MTUS2: variants seen among roughly 807,000 people sequenced by gnomAD.
MTUS2 encodes the protein microtubule associated scaffold protein 2.
MTUS2 carries 40 observed loss-of-function variants against 114.1 expected under a neutral mutation model. The observed-to-expected ratio is 0.35, with a 90% CI of 0.27 to 0.46. MTUS2 has a LOEUF of 0.46. MTUS2 is among the 20% of genes least tolerant of loss of function. The pLI, the probability that MTUS2 is intolerant of heterozygous loss-of-function variation, is 1.00. For synonymous variants in MTUS2, 688 were observed against 672.0 expected (o/e 1.02, Z -0.37); for missense variants, 1,679 against 1,705.4 (o/e 0.98, Z 0.27).
intron 6 of MTUS2, among the ~76,000 whole-genome samples, chr13:29,315,300 T>C (rs1312299661): frequency 1.3e-5 from 2 of 152,166 alleles, no homozygotes; most frequent in Non-Finnish European, 2.9e-5. Context: ...TATTTTCAAG[T>C]AGCTAGAAGA....
In MTUS2 at chr13:29,246,405, C is replaced by T. The variant is rs546081946; in HGVS notation, c.2645-35299C>T. Among the ~76,000 whole-genome samples, 147 of 152,312 alleles carry T rather than the reference C, an allele frequency of 9.7e-4. 1 individual carries two copies. The highest frequency in any genetic ancestry group is 3.3e-3 in the African/African-American group (137 of 41,564). On this transcript the variant is annotated intron_variant, in intron 5 of 15. Transcript: ENST00000612955. The stretch of plus-strand genomic sequence containing the variant: ...AAGAGGCCCATGGAGCTCCTCTCCC[C>T]GGATCTCCTGTTGCTGCTCAACACA...
chr13:29,033,271 C>T (rs1053644550), intron 3 of MTUS2, among the ~76,000 whole-genome samples: 9 of 152,160 alleles, frequency 5.9e-5, no homozygotes, highest in Admixed American at 1.3e-4. Flanking sequence ...CTCGAGCAGA[C>T]GACCAGAGGA....
chr13:29,067,850 C>G (rs1888732347), intron 4 of MTUS2, among the ~76,000 whole-genome samples: 1 of 152,058 alleles, frequency 6.6e-6, no homozygotes. Context: ...AGGGTGGATC[C>G]TGGAATGTAA....
At chr13:28,931,014 C>G (rs1034410822) in intron 2 of MTUS2, among the ~76,000 whole-genome samples, 3 of 152,194 alleles carry the variant, frequency 2.0e-5, no homozygotes, top group African/African-American at 7.2e-5. Context: ...ATGGTTTTAA[C>G]TAACCATTCC....
chr13:29,351,776 TTA>T (rs1372872750), intron 7 of MTUS2, among the ~76,000 whole-genome samples: 8 of 56,442 alleles, frequency 1.4e-4, no homozygotes, highest in Admixed American at 5.3e-4. Context: ...CTAATTTTGT[TTA>T]TTTTTTTTTT....
intron 4 of MTUS2, among the ~76,000 whole-genome samples, chr13:29,044,307 C>T (rs1471384963): frequency 6.6e-6 from 1 of 151,838 alleles, no homozygotes; most frequent in African/African-American, 2.4e-5. Flanking sequence ...ATCTACTGTT[C>T]TTATCTTTGG....
chr13:28,842,606 A>G (rs1179759952), intron 2 of MTUS2, among the ~76,000 whole-genome samples: 4 of 152,186 alleles, frequency 2.6e-5, no homozygotes, highest in Non-Finnish European at 5.9e-5. Flanking sequence ...GAAATAATTT[A>G]TCGCTGTATG....
At chr13:29,130,033 T>C (rs955758320) in intron 5 of MTUS2, among the ~76,000 whole-genome samples, 1 of 152,102 alleles carries the variant, frequency 6.6e-6, no homozygotes, top group Non-Finnish European at 1.5e-5. Context: ...GAGTGCTTTA[T>C]AGCCAAGAGC....
intron 2 of MTUS2, among the ~76,000 whole-genome samples, chr13:28,857,391 A>C (rs1341663425): frequency 6.6e-6 from 1 of 152,200 alleles, no homozygotes; most frequent in Non-Finnish European, 1.5e-5. Flanking sequence ...GGAAGATATC[A>C]TGTGGGAAAT....
At chr13:28,975,889 C>G (rs959932542) in intron 2 of MTUS2, among the ~76,000 whole-genome samples, 1 of 152,098 alleles carries the variant, frequency 6.6e-6, no homozygotes, top group East Asian at 1.9e-4. Context: ...GATTCCTTCC[C>G]TCTTGGAGCG....
chr13:29,449,679 A>G (rs1878549813), intron 9 of MTUS2, among the ~76,000 whole-genome samples: 1 of 151,770 alleles, frequency 6.6e-6, no homozygotes, highest in Admixed American at 6.6e-5. Context: ...TTTTTTTCCA[A>G]TTTTTAATTT....
intron 8 of MTUS2, among the ~76,000 whole-genome samples, chr13:29,364,405 T>G (rs1870535003): frequency 6.6e-6 from 1 of 152,168 alleles, no homozygotes; most frequent in South Asian, 2.1e-4. Context: ...AATTAGTTAA[T>G]GACTTCTGAA....
At position 29,268,045 on chromosome 13, in the gene MTUS2, C is replaced by T. The variant is rs140691261; in HGVS notation, c.2645-13659C>T. ...TAGGTTCTGGGGTACATGTGCAGAA[C>T]GTGCAGGTTTGTTACATAAGTATAC... On this transcript the variant is annotated intron_variant, in intron 5 of 15. Coordinates refer to ENST00000612955, the MANE Select transcript of MTUS2 (RefSeq NM_001033602.4). 5.2e-3 allele frequency among the ~76,000 whole-genome samples: 798 copies of T among 152,092 alleles called. 8 individuals carry two copies. The highest frequency in any genetic ancestry group is 0.013 in the African/African-American group (522 of 41,488).
chr13:29,327,682 G>T (rs1419609393), intron 7 of MTUS2, among the ~76,000 whole-genome samples: 2 of 100,190 alleles, frequency 2.0e-5, no homozygotes, highest in African/African-American at 6.9e-5. Context: ...CCAAATCTTT[G>T]TACAAATGTA....
intron 14 of MTUS2, 29 bp from the exon 15 acceptor site, chr13:29,501,068 G>A: frequency 6.3e-7 from 1 of 1,597,908 alleles, no homozygotes; most frequent in Non-Finnish European, 8.6e-7. Context: ...GGCCTTGCTA[G>A]AACCTCTTAA....
chr13:29,187,059 A>G (rs1346419385), intron 5 of MTUS2, among the ~76,000 whole-genome samples: 2 of 152,208 alleles, frequency 1.3e-5, no homozygotes, highest in Non-Finnish European at 1.5e-5. Flanking sequence ...ATATTTTGAG[A>G]TGAATGAAAA....
At chr13:29,485,151 G>A (rs186168576) in intron 10 of MTUS2, 2 of 152,822 alleles carry the variant, frequency 1.3e-5, no homozygotes, top group African/African-American at 4.8e-5. Flanking sequence ...CATAATGGTC[G>A]AGCACTTTTA....
chr13:28,948,059 T>C (rs12430471), intron 2 of MTUS2, among the ~76,000 whole-genome samples: 1 of 152,216 alleles, frequency 6.6e-6, no homozygotes, highest in Admixed American at 6.5e-5. Context: ...AGATGACAGA[T>C]CATTTTCAGA....
intron 8 of MTUS2, among the ~76,000 whole-genome samples, chr13:29,385,805 G>A (rs191823412): frequency 1.3e-5 from 2 of 152,282 alleles, no homozygotes; most frequent in Non-Finnish European, 2.9e-5. Context: ...TTGCCAAAAT[G>A]GAAGGACTCC....
Sources: allele counts gnomAD v4.1 joint callset (sites outside exome capture counted in the v4.1 genomes callset), GRCh38; gene constraint gnomAD v4.1.1; transcripts MANE v1.5; gene names NCBI Gene and HGNC (gene_info 2026-07-23, HGNC 2026-07-21).